Variants in ZNF385B observed in about 807,000 individuals in gnomAD.
ZNF385B encodes the protein zinc finger protein 385B.
Under a neutral mutation model 39.2 loss-of-function variants are expected in ZNF385B, and 23 were observed. The ratio of observed to expected loss-of-function variants is 0.59; its 90% CI spans 0.42 to 0.83. The LOEUF (loss-of-function observed/expected upper bound fraction) is 0.83. Ranked by LOEUF, ZNF385B falls within the 40% of genes least tolerant of loss-of-function variation. ZNF385B has a pLI of 0.00. For synonymous variants in ZNF385B, 205 were observed against 222.6 expected, an observed-to-expected ratio of 0.92 and a Z score of 0.70; for missense variants, 552 against 598.9, an observed-to-expected ratio of 0.92 and a Z score of 0.82.
intron 3 of ZNF385B, among the ~76,000 whole-genome samples, chr2:179,739,098 A>G (rs917153400): frequency 6.6e-6 from 1 of 152,162 alleles, no homozygotes; most frequent in African/African-American, 2.4e-5. Flanking sequence ...AGGTACCTTA[A>G]TCTCTCTGTA....
In ZNF385B at chr2:179,835,149, C is replaced by T. The variant is rs1429118332; in HGVS notation, c.-155+25952G>A. The stretch of plus-strand genomic sequence containing the variant: ...TATTGTTAAATTTCCTGGACATGAC[C>T]GGATACACACTGAAGTATTTAAGGG... On this transcript the variant is annotated intron_variant, in intron 1 of 9. Coordinates refer to ENST00000410066, the MANE Select transcript of ZNF385B (RefSeq NM_152520.6). Among the ~76,000 whole-genome samples the T allele has an allele frequency of 3.9e-5, 6 of 152,096 alleles. No individual in the cohort carries two copies. In the East Asian group the frequency reaches 9.6e-4, roughly 24 times the overall value.
intron 3 of ZNF385B, among the ~76,000 whole-genome samples, chr2:179,688,525 G>A (rs2367802): frequency 1.5e-5 from 2 of 134,052 alleles, no homozygotes. Flanking sequence ...AACAAAAACA[G>A]AAAGAAAGAA....
intron 3 of ZNF385B, among the ~76,000 whole-genome samples, chr2:179,739,741 G>A (rs1194937753): frequency 1.3e-5 from 2 of 152,028 alleles, no homozygotes; most frequent in Non-Finnish European, 2.9e-5. Flanking sequence ...GGTTATTGCT[G>A]GTTAAATCAG....
intron 3 of ZNF385B, among the ~76,000 whole-genome samples, chr2:179,685,504 C>A (rs953977475): frequency 1.3e-5 from 2 of 152,042 alleles, no homozygotes; most frequent in Admixed American, 6.5e-5. Context: ...GCATCACTGC[C>A]CTCCTAATTA....
intron 3 of ZNF385B, among the ~76,000 whole-genome samples, chr2:179,636,362 G>A (rs916721361): frequency 6.6e-6 from 1 of 152,136 alleles, no homozygotes; most frequent in Non-Finnish European, 1.5e-5. Context: ...ATTATACACA[G>A]AAGTGACTGC....
chr2:179,721,294 G>GT (rs2106406268), intron 3 of ZNF385B, among the ~76,000 whole-genome samples: 1 of 152,202 alleles, frequency 6.6e-6, no homozygotes, highest in East Asian at 1.9e-4. Flanking sequence ...TAAACGCAAT[G>GT]AAAACATTCT....
intron 3 of ZNF385B, chr2:179,584,177 CT>C (rs1020169646): frequency 3.5e-5 from 13 of 369,210 alleles, no homozygotes; most frequent in African/African-American, 2.5e-4. Context: ...GTGCTATGCA[CT>C]GTAGAATATT....
rs143240022 is a variant in ZNF385B at position 179,598,585 on chromosome 2, T to C, written c.299-53616A>G. The stretch of plus-strand genomic sequence containing the variant: ...ATATATAAAACCTGTAATATTCTGA[T>C]ATGTATTTATTAAAAAATAAAACCT... On this transcript the variant is annotated intron_variant, in intron 3 of 9. Coordinates refer to ENST00000410066, the MANE Select transcript of ZNF385B (RefSeq NM_152520.6). 3.8e-4 allele frequency among the ~76,000 whole-genome samples: 58 copies of C among 152,284 alleles called. No individual in the cohort carries two copies. The East Asian group carries it at 8.5e-3, about 22-fold the overall frequency.
rs1326425569 is a variant in ZNF385B at position 179,769,485 on chromosome 2, C to T, written c.298+18G>A. Reference sequence around the variant, plus strand: ...ATCTCTCCCCGCAGCACATGGAACCCGGGACCCTGCCTCCTACCTGTGCTG... The same window carrying T: ...ATCTCTCCCCGCAGCACATGGAACCTGGGACCCTGCCTCCTACCTGTGCTG... On this transcript the variant is annotated intron_variant, in intron 3 of 9. Coordinates refer to ENST00000410066, the MANE Select transcript of ZNF385B (RefSeq NM_152520.6). 4 of 1,612,000 alleles carry T rather than the reference C, an allele frequency of 2.5e-6. No homozygotes were observed. Among genetic ancestry groups the T allele is most frequent in the East Asian group, 2.2e-5 (1 of 44,876 alleles).
At position 179,494,390 on chromosome 2, in the gene ZNF385B, GAGGCA is replaced by G. The variant is rs568860121; in HGVS notation, c.553-10961_553-10957del. The stretch of plus-strand genomic sequence containing the variant: ...TGTGTACAGTGGAGAGGCTCGGGGT[GAGGCA>G]AAGTAGAAGAGGAGGCTCATCCAGG... On this transcript the variant is annotated intron_variant, in intron 5 of 9. Coordinates refer to ENST00000410066, the MANE Select transcript of ZNF385B (RefSeq NM_152520.6). Among the ~76,000 whole-genome samples the G allele has an allele frequency of 8.5e-5, 13 of 152,190 alleles. No homozygotes were observed. The East Asian group carries it at 2.5e-3, about 29-fold the overall frequency.
chr2:179,490,303 C>G (rs2055069582), intron 5 of ZNF385B, among the ~76,000 whole-genome samples: 1 of 146,254 alleles, frequency 6.8e-6, no homozygotes, highest in African/African-American at 2.5e-5. Flanking sequence ...AATATATGAG[C>G]ATTACACACA....
At chr2:179,533,806 G>T (rs17748746) in intron 4 of ZNF385B, among the ~76,000 whole-genome samples, 11,257 of 152,170 alleles carry the variant, frequency 0.074, 555 homozygotes, top group South Asian at 0.15. Flanking sequence ...GGAATAAGGG[G>T]TCTATATTTG....
At chr2:179,487,101 T>G (rs1056552978) in intron 5 of ZNF385B, among the ~76,000 whole-genome samples, 1 of 152,202 alleles carries the variant, frequency 6.6e-6, no homozygotes, top group Non-Finnish European at 1.5e-5. Context: ...AAGTACAAGA[T>G]AAACAGTGTC....
chr2:179,484,500 G>A (rs2054353119), intron 5 of ZNF385B, among the ~76,000 whole-genome samples: 1 of 151,988 alleles, frequency 6.6e-6, no homozygotes, highest in African/African-American at 2.4e-5. Context: ...AAAACCATCA[G>A]TTTTCTTTAT....
At chr2:179,668,318 C>T (rs956198603) in intron 3 of ZNF385B, among the ~76,000 whole-genome samples, 5 of 152,322 alleles carry the variant, frequency 3.3e-5, no homozygotes, top group African/African-American at 1.2e-4. Flanking sequence ...ATCAAAGGTG[C>T]TGAAAAACAG....
intron 1 of ZNF385B, among the ~76,000 whole-genome samples, chr2:179,836,594 C>T (rs1708264910): frequency 6.9e-6 from 1 of 144,546 alleles, no homozygotes; most frequent in Non-Finnish European, 1.5e-5. Context: ...TCTCGGCTCA[C>T]TGCAAGCTCC....
At chr2:179,751,533 C>G (rs904879894) in intron 3 of ZNF385B, among the ~76,000 whole-genome samples, 15 of 151,850 alleles carry the variant, frequency 9.9e-5, no homozygotes, top group African/African-American at 3.1e-4. Flanking sequence ...TATTTAAAAC[C>G]CTACACACAT....
chr2:179,771,558 A>T (rs1266704420), intron 1 of ZNF385B, among the ~76,000 whole-genome samples: 1 of 152,206 alleles, frequency 6.6e-6, no homozygotes, highest in Non-Finnish European at 1.5e-5. Flanking sequence ...AATCAGGTTT[A>T]AGCAGTTCCT....
chr2:179,632,267 C>T (rs1007583125), intron 3 of ZNF385B, among the ~76,000 whole-genome samples: 1 of 152,200 alleles, frequency 6.6e-6, no homozygotes, highest in Admixed American at 6.5e-5. Flanking sequence ...AGCACCACAT[C>T]ACACTTGTTC....
Sources: gnomAD v4.1 joint callset for allele counts (sites outside exome capture counted in the v4.1 genomes callset) on GRCh38, gnomAD v4.1.1 for gene constraint, MANE v1.5 for transcripts, NCBI Gene and HGNC (gene_info 2026-07-23, HGNC 2026-07-21) for gene names.